Variants in RBMS3 observed in about 807,000 individuals in gnomAD.
RBMS3 encodes the protein RNA binding motif single stranded interacting protein 3, also known as RNA-binding motif, single-stranded-interacting protein 3.
In RBMS3, 27 loss-of-function variants were observed where a neutral mutation model predicts 66.8. That is an observed-to-expected ratio of 0.40 (90% CI 0.30 to 0.56). The LOEUF is 0.56. RBMS3 is among the 20% of genes least tolerant of loss of function. RBMS3 has a pLI of 0.40. For synonymous variants in RBMS3, 188 were observed against 183.0 expected (o/e 1.03, Z -0.22); for missense variants, 513 against 549.5 (o/e 0.93, Z 0.66).
intron 2 of RBMS3, among the ~76,000 whole-genome samples, chr3:29,442,328 C>T (rs923875574): frequency 1.3e-5 from 2 of 152,224 alleles, no homozygotes; most frequent in African/African-American, 4.8e-5. Context: ...ATTCATTGAT[C>T]ACTCATTTAT....
chr3:29,368,554 A>G (rs192201651), intron 1 of RBMS3, among the ~76,000 whole-genome samples: 1 of 148,444 alleles, frequency 6.7e-6, no homozygotes, highest in East Asian at 1.9e-4. Flanking sequence ...GAGAGTTCAC[A>G]AGGAGCTGTT....
At chr3:29,618,736 G>A (rs1363778120) in intron 4 of RBMS3, among the ~76,000 whole-genome samples, 1 of 152,116 alleles carries the variant, frequency 6.6e-6, no homozygotes, top group Non-Finnish European at 1.5e-5. Flanking sequence ...GCGTCTATGA[G>A]GAATGTCTGA....
At position 29,521,847 on chromosome 3, in the gene RBMS3, A is replaced by G. The variant is rs188044554; in HGVS notation, c.307+33348A>G. 2.0e-5 allele frequency among the ~76,000 whole-genome samples: 3 copies of G among 152,350 alleles called. No homozygotes were observed. In the East Asian group the frequency reaches 5.8e-4, roughly 29 times the overall value. ...TGAATCCAGAAAGCCTAACTCTGGA[A>G]ATTTTTAACAACCCTGATACATAAG... On this transcript the variant is annotated intron_variant, in intron 3 of 14. Transcript: ENST00000383767.
At chr3:29,303,347 T>A (rs1344403580) in intron 1 of RBMS3, among the ~76,000 whole-genome samples, 1 of 152,008 alleles carries the variant, frequency 6.6e-6, no homozygotes, top group Non-Finnish European at 1.5e-5. Flanking sequence ...CACAGTGTTG[T>A]GAGGTGTTTC....
At chr3:29,773,373 G>A (rs1287926560) in intron 6 of RBMS3, among the ~76,000 whole-genome samples, 1 of 151,946 alleles carries the variant, frequency 6.6e-6, no homozygotes, top group Non-Finnish European at 1.5e-5. Context: ...TAAAAATTAA[G>A]TGCATTTTCA....
chr3:29,830,171 C>T (rs2058334169), intron 6 of RBMS3, among the ~76,000 whole-genome samples: 1 of 151,556 alleles, frequency 6.6e-6, no homozygotes, highest in Admixed American at 6.6e-5. Context: ...GTGACTTCTG[C>T]CTTGAGACAT....
rs561847341 is a variant in RBMS3 at position 29,384,432 on chromosome 3, T to TAAGAAGAAGAAGAAG, written c.76-50309_76-50308insGAAGAAGAAGAAGAA. The stretch of plus-strand genomic sequence containing the variant: ...ACATATACACCAATAATAATAATAA[T>TAAGAAGAAGAAGAAG]AATAAGAAGAAGAAGAAGAAGAAGA... On this transcript the variant is annotated intron_variant, in intron 1 of 14. Coordinates refer to ENST00000383767, the MANE Select transcript of RBMS3 (RefSeq NM_001003793.3). Among the ~76,000 whole-genome samples, 884 of 99,364 alleles carry TAAGAAGAAGAAGAAG rather than the reference T, an allele frequency of 8.9e-3. 3 individuals carry two copies. The highest frequency in any genetic ancestry group is 0.019 in the Middle Eastern group (4 of 210). The allele number at this position is 99,364 out of a possible 152,430, so 65.2% of individuals were successfully genotyped here.
chr3:29,336,201 G>GCACAGT (rs984029839), intron 1 of RBMS3, among the ~76,000 whole-genome samples: 5 of 152,272 alleles, frequency 3.3e-5, no homozygotes, highest in Admixed American at 3.3e-4. Flanking sequence ...TGGGTGGTAA[G>GCACAGT]CACAGTTTGA....
At chr3:29,993,602 CA>C (rs1452864948) in intron 14 of RBMS3, among the ~76,000 whole-genome samples, 4 of 152,116 alleles carry the variant, frequency 2.6e-5, no homozygotes, top group Non-Finnish European at 5.9e-5. Context: ...CTGAATAGAG[CA>C]AAAAGATTGA....
chr3:29,430,663 C>T (rs2041148862), intron 1 of RBMS3, among the ~76,000 whole-genome samples: 1 of 152,136 alleles, frequency 6.6e-6, no homozygotes, highest in South Asian at 2.1e-4. Context: ...TATTGATCAT[C>T]CTGTAGCTGG....
intron 4 of RBMS3, among the ~76,000 whole-genome samples, chr3:29,666,245 C>T (rs772646139): frequency 6.4e-4 from 98 of 152,150 alleles, no homozygotes; most frequent in Non-Finnish European, 1.3e-3. Flanking sequence ...TATCTTTACT[C>T]CCATTTTATT....
intron 4 of RBMS3, among the ~76,000 whole-genome samples, chr3:29,724,187 C>T (rs1472325931): frequency 6.6e-6 from 1 of 152,092 alleles, no homozygotes; most frequent in Non-Finnish European, 1.5e-5. Context: ...ATGCCTACCT[C>T]CATATAATTT....
intron 4 of RBMS3, among the ~76,000 whole-genome samples, chr3:29,652,413 C>T (rs888928549): frequency 2.0e-5 from 3 of 152,046 alleles, no homozygotes; most frequent in Non-Finnish European, 2.9e-5. Context: ...CCTAGATAAA[C>T]ACTGAATATT....
chr3:29,359,598 T>C (rs559410928), intron 1 of RBMS3, among the ~76,000 whole-genome samples: 9 of 152,310 alleles, frequency 5.9e-5, no homozygotes, highest in Non-Finnish European at 1.0e-4. Context: ...TTTCTACTGA[T>C]TGGAATAGTT....
chr3:29,835,057 G>A (rs1408066733), intron 6 of RBMS3, among the ~76,000 whole-genome samples: 2 of 151,956 alleles, frequency 1.3e-5, no homozygotes, highest in Non-Finnish European at 2.9e-5. Flanking sequence ...ACTGTATAAT[G>A]GTAAAGTAGT....
chr3:29,946,993 T>C (rs73829208), intron 12 of RBMS3, among the ~76,000 whole-genome samples: 7,270 of 151,530 alleles, frequency 0.048, 234 homozygotes, highest in South Asian at 0.091. Flanking sequence ...GGCAAGAAAG[T>C]AGTTGAGTGG....
chr3:29,410,715 C>G (rs547826179), intron 1 of RBMS3, among the ~76,000 whole-genome samples: 1 of 152,218 alleles, frequency 6.6e-6, no homozygotes, highest in Non-Finnish European at 1.5e-5. Context: ...ACTTTTTAAG[C>G]ACAAGAAAAT....
At chr3:29,437,624 A>G (rs2041449341) in intron 2 of RBMS3, among the ~76,000 whole-genome samples, 1 of 152,192 alleles carries the variant, frequency 6.6e-6, no homozygotes, top group Admixed American at 6.5e-5. Flanking sequence ...TTTTTCCTAG[A>G]GAATCTTAAA....
At chr3:29,309,592 T>A (rs2034243996) in intron 1 of RBMS3, among the ~76,000 whole-genome samples, 1 of 150,734 alleles carries the variant, frequency 6.6e-6, no homozygotes, top group East Asian at 2.0e-4. Context: ...GATAGAATCC[T>A]AGGGAATATG....
Sources: allele counts gnomAD v4.1 joint callset (sites outside exome capture counted in the v4.1 genomes callset), GRCh38; gene constraint gnomAD v4.1.1; transcripts MANE v1.5; gene names NCBI Gene and HGNC (gene_info 2026-07-23, HGNC 2026-07-21).